The following TMEM106B variants were observed in gnomAD, a reference collection of about 807,000 sequenced individuals.
The protein encoded by TMEM106B is transmembrane protein 106B.
In TMEM106B, 15 loss-of-function variants were observed where a neutral mutation model predicts 31.1. That is an observed-to-expected ratio of 0.48 (90% CI 0.32 to 0.74). The LOEUF (loss-of-function observed/expected upper bound fraction) is 0.74. Among genes scored for constraint, TMEM106B ranks in the 30% least tolerant of loss-of-function variants. The pLI is 0.03. For missense variants in TMEM106B, 283 were observed against 327.3 expected (o/e 0.86, Z 1.04); for synonymous variants, 126 against 112.5 (o/e 1.12, Z -0.76).
rs1219881681 is a variant in TMEM106B at position 12,233,595 on chromosome 7, C to T, written c.*1620C>T. On this transcript the variant is annotated 3_prime_UTR_variant, in exon 8 of 8. Coordinates refer to ENST00000396668, the MANE Select transcript of TMEM106B (RefSeq NM_001134232.2). ...TTTTTTTGTTTTAACACTAGTCTTC[C>T]CTTAATTCATTGCTAACTCAAGCCA... 2 of 150,268 alleles carry T rather than the reference C, an allele frequency of 1.3e-5. No individual in the cohort carries two copies. Among genetic ancestry groups the T allele is most frequent in the Non-Finnish European group, 3.0e-5 (2 of 67,388 alleles). The allele number at this position is 150,268 out of a possible 1,614,324, so 9.3% of individuals were successfully genotyped here. A position where few individuals can be genotyped will look rare whatever the true frequency, so the allele number is the denominator to read the frequency against.
intron 2 of TMEM106B, chr7:12,215,508 A>AT: frequency 1.5e-5 from 3 of 199,748 alleles, no homozygotes. Context: ...GAGTGCTAGG[A>AT]TTATAGCAGT....
chr7:12,223,935 G>A (rs545722317), intron 3 of TMEM106B, among the ~76,000 whole-genome samples: 3 of 151,990 alleles, frequency 2.0e-5, no homozygotes, highest in Admixed American at 6.6e-5. Flanking sequence ...TGGTCAGGCT[G>A]GTCTCGAACT....
intron 3 of TMEM106B, among the ~76,000 whole-genome samples, chr7:12,223,239 T>TA (rs551140994): frequency 5.7e-4 from 86 of 152,124 alleles, no homozygotes; most frequent in African/African-American, 2.0e-3. Context: ...TTGATCAATG[T>TA]AAAAAAAATC....
At position 12,214,872 on chromosome 7, in the gene TMEM106B, T is replaced by A. The variant is rs750466775; in HGVS notation, c.62T>A (p.Val21Asp). The change falls in exon 2 of 8, where the codon GTC becomes GAC. Residue 21 changes from valine (V) to aspartate (D), a missense_variant. Physicochemically the swap from Val to Asp is radical, Grantham distance 152. This residue lies in a region of TMEM106B where 77 missense variants were observed against 89.4 expected (regional missense o/e 0.86). Transcript: ENST00000396668. ...HSSKEDAYDGVTSENMRNGLV... is the reference protein window; with the variant it reads ...HSSKEDAYDGDTSENMRNGLV... ...AGCAAAGAAGATGCTTATGATGGAG[T>A]CACATCTGAAAACATGAGGAATGGA... 2.0e-5 allele frequency: 32 copies of A among 1,613,850 alleles called. No individual in the cohort carries two copies. Among genetic ancestry groups the A allele is most frequent in the Non-Finnish European group, 2.6e-5 (31 of 1,179,922 alleles).
Position 12,231,986 on chromosome 7 carries a change from A to T in TMEM106B, c.*11A>T. 6.2e-7 allele frequency: 1 copy of T among 1,608,264 alleles called. No individual in the cohort carries two copies. Among genetic ancestry groups the T allele is most frequent in the Non-Finnish European group, 8.5e-7 (1 of 1,176,132 alleles). ...CAGCCACAACAGTAAAAACTGGAAG[A>T]GATGGATTTAAAGAAGAAATATCTA... On this transcript the variant is annotated 3_prime_UTR_variant, in exon 8 of 8. Coordinates refer to ENST00000396668, the MANE Select transcript of TMEM106B (RefSeq NM_001134232.2).
In TMEM106B at chr7:12,237,451, T is replaced by G. The variant is rs576775298; in HGVS notation, c.*5476T>G. 2 of 152,266 alleles carry G rather than the reference T, an allele frequency of 1.3e-5. No homozygotes were observed. Among genetic ancestry groups the G allele is most frequent in the South Asian group, 4.1e-4 (2 of 4,826 alleles). The allele number at this position is 152,266 out of a possible 1,614,324, so 9.4% of individuals were successfully genotyped here. ...TCAAGCTTTATCCATTCTACCTCTG[T>G]AATGTCTCTGGAATTTATCTCATAC... On this transcript the variant is annotated 3_prime_UTR_variant, in exon 8 of 8. Coordinates refer to ENST00000396668, the MANE Select transcript of TMEM106B (RefSeq NM_001134232.2).
At position 12,241,919 on chromosome 7, in the gene TMEM106B, C is replaced by G. The variant is rs1782243276; in HGVS notation, c.*9944C>G. On this transcript the variant is annotated 3_prime_UTR_variant, in exon 8 of 8. Coordinates refer to ENST00000396668, the MANE Select transcript of TMEM106B (RefSeq NM_001134232.2). Reference sequence around the variant, plus strand: ...CATTCTCTCCAGCATCTGTTGTTTCCTGACTTAATGATTGCCATTCTAACT... The same window carrying G: ...CATTCTCTCCAGCATCTGTTGTTTCGTGACTTAATGATTGCCATTCTAACT... 6.6e-6 allele frequency: 1 copy of G among 152,106 alleles called. No homozygotes were observed. The highest frequency in any genetic ancestry group is 6.6e-5 in the Admixed American group (1 of 15,260). 9.4% of individuals were successfully genotyped at this position (152,106 alleles called of 1,614,324 possible). A position where few individuals can be genotyped will look rare whatever the true frequency, so the allele number is the denominator to read the frequency against.
chr7:12,229,844 T>C, intron 5 of TMEM106B, 25 bp downstream of exon 5: 4 of 1,582,566 alleles, frequency 2.5e-6, no homozygotes, highest in Non-Finnish European at 2.6e-6. Context: ...TGAAATACTT[T>C]GTAAGAGTTA....
At chr7:12,228,149 T>G (rs565385873) in intron 4 of TMEM106B, among the ~76,000 whole-genome samples, 75 of 152,008 alleles carry the variant, frequency 4.9e-4, no homozygotes, top group African/African-American at 1.6e-3. Flanking sequence ...TTTGAGAACA[T>G]TTTTGAAATT....
In TMEM106B at chr7:12,242,780, C is replaced by T. The variant is rs775716785; in HGVS notation, c.*10805C>T. ...TGTTAATAGCTGGCTATTTTGTAAG[C>T]CTGTATCTGGTTTAAAAAAAAGAAG... On this transcript the variant is annotated 3_prime_UTR_variant, in exon 8 of 8. Transcript: ENST00000396668. The T allele has an allele frequency of 6.6e-6, 1 of 151,988 alleles. No individual in the cohort carries two copies. The highest frequency in any genetic ancestry group is 1.5e-5 in the Non-Finnish European group (1 of 67,970). 9.4% of individuals were successfully genotyped at this position (151,988 alleles called of 1,614,324 possible). A position where few individuals can be genotyped will look rare whatever the true frequency, so the allele number is the denominator to read the frequency against.
chr7:12,215,203 T>C (rs907238939), intron 2 of TMEM106B, among the ~76,000 whole-genome samples, 176 bp downstream of exon 2: 2 of 152,126 alleles, frequency 1.3e-5, no homozygotes, highest in Non-Finnish European at 2.9e-5. Context: ...AAGTATTAAT[T>C]AAGGTTCCTA....
At chr7:12,221,712 A>G (rs1296740121) in intron 3 of TMEM106B, among the ~76,000 whole-genome samples, 3 of 152,228 alleles carry the variant, frequency 2.0e-5, no homozygotes, top group Non-Finnish European at 2.9e-5. Flanking sequence ...GAAGGAACCA[A>G]CCCAGGCAGA....
At chr7:12,216,110 C>T (rs1781682197) in intron 2 of TMEM106B, among the ~76,000 whole-genome samples, 1 of 151,766 alleles carries the variant, frequency 6.6e-6, no homozygotes, top group Admixed American at 6.6e-5. Flanking sequence ...TTTGCGTTGG[C>T]CTTTGAGTAT....
intron 1 of TMEM106B, among the ~76,000 whole-genome samples, chr7:12,212,250 A>C (rs1781594561): frequency 6.6e-6 from 1 of 152,194 alleles, no homozygotes; most frequent in Admixed American, 6.5e-5. Flanking sequence ...GATGCAGCTT[A>C]CAGCCTGGCT....
intron 3 of TMEM106B, among the ~76,000 whole-genome samples, chr7:12,219,054 G>A (rs1478806074): frequency 6.6e-6 from 1 of 152,108 alleles, no homozygotes; most frequent in East Asian, 1.9e-4. Flanking sequence ...TGGAGAAAGT[G>A]CAAAAAGACC....
intron 6 of TMEM106B, 125 bp downstream of exon 6, chr7:12,230,563 G>T: frequency 1.7e-6 from 1 of 601,216 alleles, no homozygotes; most frequent in Non-Finnish European, 2.8e-6. Flanking sequence ...GTAGTATTCT[G>T]GCTTCTGGTC....
chr7:12,227,217 TTATC>T (rs942680518), intron 4 of TMEM106B, among the ~76,000 whole-genome samples: 3 of 152,052 alleles, frequency 2.0e-5, no homozygotes, highest in African/African-American at 4.8e-5. Context: ...TTTCTGTACA[TTATC>T]TATAAGTATG....
chr7:12,224,003 G>A (rs1046603742), intron 3 of TMEM106B, among the ~76,000 whole-genome samples: 2 of 152,116 alleles, frequency 1.3e-5, no homozygotes, highest in African/African-American at 4.8e-5. Flanking sequence ...ACAGGCGTGA[G>A]CCACCGCATC....
At position 12,242,564 on chromosome 7, in the gene TMEM106B, G is replaced by A. The variant is rs968653709; in HGVS notation, c.*10589G>A. 6.6e-6 allele frequency: 1 copy of A among 151,986 alleles called. No homozygotes were observed. Among genetic ancestry groups the A allele is most frequent in the Non-Finnish European group, 1.5e-5 (1 of 67,996 alleles). The allele number at this position is 151,986 out of a possible 1,614,324, so 9.4% of individuals were successfully genotyped here. ...AAGGTTAAATCACATTTTTCACAGA[G>A]AGTGTTTTACTGAAATATAAACTTT... On this transcript the variant is annotated 3_prime_UTR_variant, in exon 8 of 8. Transcript: ENST00000396668.
Sources: gnomAD v4.1 joint callset for allele counts (sites outside exome capture counted in the v4.1 genomes callset) on GRCh38, gnomAD v4.1.1 for gene constraint, gnomAD v4.1.1 regional missense constraint, MANE v1.5 for transcripts, NCBI Gene and HGNC (gene_info 2026-07-23, HGNC 2026-07-21) for gene names.